The following BRD10 variants were observed in gnomAD, a reference collection of about 807,000 sequenced individuals.
BRD10 encodes the protein bromodomain containing 10, also known as uncharacterized bromodomain-containing protein 10.
At chr9:5,926,504 C>T in the BRD10 span, among the ~76,000 whole-genome samples, 1 of 152,004 alleles carries the variant, frequency 6.6e-6, no homozygotes, top group African/African-American at 2.4e-5. Flanking sequence ...GACACAGTTG[C>T]ACCATATTGC....
chr9:5,954,666 C>G, the BRD10 span, among the ~76,000 whole-genome samples: 1 of 152,084 alleles, frequency 6.6e-6, no homozygotes, highest in Non-Finnish European at 1.5e-5. Context: ...TTAAAGTGCA[C>G]CTAGTTATTT....
chr9:5,897,734 C>G, the BRD10 span: 1 of 1,187,306 alleles, frequency 8.4e-7, no homozygotes, highest in Non-Finnish European at 1.3e-6. Flanking sequence ...TCTGGAGAGT[C>G]AGATAATTGC....
the BRD10 span, among the ~76,000 whole-genome samples, chr9:5,998,522 G>A: frequency 6.6e-6 from 1 of 152,014 alleles, no homozygotes; most frequent in Non-Finnish European, 1.5e-5. Context: ...TCTCTCAGGA[G>A]AAAAGACTCC....
chr9:5,946,709 C>T, the BRD10 span, among the ~76,000 whole-genome samples: 3 of 152,040 alleles, frequency 2.0e-5, no homozygotes, highest in Admixed American at 6.6e-5. Context: ...GCACATATGG[C>T]AAACCACAGA....
chr9:6,001,737 T>A, the BRD10 span, among the ~76,000 whole-genome samples: 1 of 152,128 alleles, frequency 6.6e-6, no homozygotes, highest in Non-Finnish European at 1.5e-5. Context: ...ATCTCTTGAA[T>A]AAAATCTAAT....
the BRD10 span, among the ~76,000 whole-genome samples, chr9:5,971,221 A>G: frequency 6.6e-6 from 1 of 152,316 alleles, no homozygotes; most frequent in East Asian, 1.9e-4. Flanking sequence ...TACTACTCCA[A>G]AACTACTTGG....
the BRD10 span, among the ~76,000 whole-genome samples, chr9:5,913,023 A>C: frequency 6.6e-6 from 1 of 152,212 alleles, no homozygotes; most frequent in East Asian, 1.9e-4. Flanking sequence ...ACTGATGCTT[A>C]AGACAAGGCT....
the BRD10 span, among the ~76,000 whole-genome samples, chr9:5,992,719 T>C: frequency 4.5e-3 from 42 of 9,350 alleles, no homozygotes; most frequent in Non-Finnish European, 0.094. Context: ...TCTCCCCCTT[T>C]TTTTTTTTTT....
the BRD10 span, chr9:6,007,988 G>A: frequency 7.8e-7 from 1 of 1,279,144 alleles, no homozygotes; most frequent in South Asian, 2.6e-5. Context: ...TACATGGCGC[G>A]CGAGGAGGGG....
At chr9:5,988,500 A>G in the BRD10 span, 2 of 1,613,950 alleles carry the variant, frequency 1.2e-6, no homozygotes, top group Non-Finnish European at 1.7e-6. Context: ...CCAATCCATA[A>G]TAGCCTCTAG....
the BRD10 span, among the ~76,000 whole-genome samples, chr9:6,004,873 G>A: frequency 6.6e-6 from 1 of 152,180 alleles, no homozygotes; most frequent in South Asian, 2.1e-4. Context: ...TAGGCTAGAA[G>A]AACTGATGTC....
chr9:5,917,876 T>C, the BRD10 span, among the ~76,000 whole-genome samples: 1 of 152,110 alleles, frequency 6.6e-6, no homozygotes, highest in African/African-American at 2.4e-5. Context: ...GATTTAGTGG[T>C]TAGTTTAGGT....
the BRD10 span, chr9:5,919,987 C>G: frequency 6.2e-7 from 1 of 1,613,928 alleles, no homozygotes; most frequent in Non-Finnish European, 8.5e-7. Context: ...TTACTGAAGT[C>G]AGTGATACTG....
chr9:5,955,220 G>C, the BRD10 span, among the ~76,000 whole-genome samples: 1 of 151,790 alleles, frequency 6.6e-6, no homozygotes, highest in Non-Finnish European at 1.5e-5. Flanking sequence ...ACAGGACACT[G>C]TACAAGCTAC....
chr9:5,882,780 C>A, the BRD10 span, among the ~76,000 whole-genome samples: 1 of 152,024 alleles, frequency 6.6e-6, no homozygotes, highest in Non-Finnish European at 1.5e-5. Flanking sequence ...TGGGTATATA[C>A]CCAAAGGTGT....
chr9:5,992,826 C>A, the BRD10 span, among the ~76,000 whole-genome samples: 3 of 151,450 alleles, frequency 2.0e-5, no homozygotes, highest in Non-Finnish European at 4.4e-5. Context: ...TAAGTCTTAA[C>A]AAGAAAGTGA....
At chr9:5,971,575 A>G in the BRD10 span, among the ~76,000 whole-genome samples, 1 of 152,256 alleles carries the variant, frequency 6.6e-6, no homozygotes, top group Non-Finnish European at 1.5e-5. Flanking sequence ...GCTCTTTTAT[A>G]GAACAGCCTA....
At chr9:5,882,666 G>A in the BRD10 span, among the ~76,000 whole-genome samples, 1 of 152,202 alleles carries the variant, frequency 6.6e-6, no homozygotes, top group Non-Finnish European at 1.5e-5. Context: ...GGACAAGTAT[G>A]TAATCCTCTT....
chr9:5,915,855 C>A, the BRD10 span, among the ~76,000 whole-genome samples: 1 of 152,302 alleles, frequency 6.6e-6, no homozygotes, highest in South Asian at 2.1e-4. Context: ...ATTTACAACT[C>A]TGGTAGATGC....
Sources: allele counts gnomAD v4.1 joint callset (sites outside exome capture counted in the v4.1 genomes callset), GRCh38; gene constraint gnomAD v4.1.1; transcripts MANE v1.5; gene names NCBI Gene and HGNC (gene_info 2026-07-23, HGNC 2026-07-21).